CDC14C: variants seen among roughly 807,000 people sequenced by gnomAD.
CDC14C encodes the protein dual specificity protein phosphatase CDC14C.
CDC14C carries 19 observed loss-of-function variants against 26.9 expected under a neutral mutation model. The ratio of observed to expected loss-of-function variants is 0.71; its 90% CI spans 0.49 to 1.04. The LOEUF is 1.04. CDC14C is among the 50% of genes least tolerant of loss of function. The pLI is 0.00. For synonymous variants in CDC14C, 185 were observed against 180.1 expected, an observed-to-expected ratio of 1.03 and a Z score of -0.22; for missense variants, 423 against 520.0, an observed-to-expected ratio of 0.81 and a Z score of 1.81.
rs1798886586 is a variant in CDC14C, at chr7:48,926,241, A to G, written c.*225A>G. On this transcript the variant is annotated 3_prime_UTR_variant, in exon 1 of 1. Coordinates refer to ENST00000650262, the MANE Select transcript of CDC14C (RefSeq NM_152627.3). ...CACCTAAGAAGCTAATCAATGGGGA[A>G]AATGTCCACGGGGTTTCAGTAATGA... Among the ~76,000 whole-genome samples the G allele has an allele frequency of 9.1e-6, 1 of 110,188 alleles. No homozygotes were observed. 72.3% of individuals were successfully genotyped at this position (110,188 alleles called of 152,430 possible).
Position 48,925,063 on chromosome 7 carries a change from C to A in CDC14C, c.391C>A (p.Pro131Thr), listed in dbSNP as rs1615556. The A allele has an allele frequency of 4.7e-6, 7 of 1,498,354 alleles. No individual in the cohort carries two copies. The highest frequency in any genetic ancestry group is 4.7e-6 in the Non-Finnish European group (5 of 1,074,906). The allele number at this position is 1,498,354 out of a possible 1,614,324, so 92.8% of individuals were successfully genotyped here. A position where few individuals can be genotyped will look rare whatever the true frequency, so the allele number is the denominator to read the frequency against. ...AYRILIFGDT[P>T]YIPFRDAAYG... ...TAGAATATTAATCTTTGGAGATACA[C>A]CCTATATTCCTTTCAGAGATGCTGC... Residue 131 changes from proline to threonine, a missense_variant, in exon 1 of 1, where the codon CCC becomes ACC. This residue lies in a region of CDC14C where 310 missense variants were observed against 356.8 expected (regional missense o/e 0.87). Coordinates refer to ENST00000650262, the MANE Select transcript of CDC14C (RefSeq NM_152627.3).
rs1208899035 is a variant in CDC14C at position 48,925,488 on chromosome 7, C to A, written c.816C>A (p.Ile272=). The change falls in exon 1 of 1, where the codon ATC becomes ATA. Residue 272 remains isoleucine (I), a synonymous_variant. Transcript: ENST00000650262. The part of the protein sequence containing the change: ...TDAIVKRFLD[I]CENAEGAIAV... Reference sequence around the variant, plus strand: ...CCATTGTCAAAAGATTTCTGGATATCTGTGAAAATGCTGAGGGTGCCATTG... The same window carrying A: ...CCATTGTCAAAAGATTTCTGGATATATGTGAAAATGCTGAGGGTGCCATTG... 1 of 1,604,382 alleles carries A rather than the reference C, an allele frequency of 6.2e-7. No homozygotes were observed. The highest frequency in any genetic ancestry group is 1.7e-5 in the Admixed American group (1 of 59,716).
At position 48,925,326 on chromosome 7, in the gene CDC14C, T is replaced by C. The variant is rs757646377; in HGVS notation, c.654T>C (p.Tyr218=). The change falls in exon 1 of 1, where the codon TAT becomes TAC. Residue 218 remains tyrosine, a synonymous_variant. Coordinates refer to ENST00000650262, the MANE Select transcript of CDC14C (RefSeq NM_152627.3). ...ACCACCAACATTCTCCCGAGACTTA[T>C]ATTCAATATTTTAAGAATCACAATG... ...SGYHQHSPET[Y]IQYFKNHNVT... 1.9e-6 allele frequency: 3 copies of C among 1,605,644 alleles called. No homozygotes were observed. Among genetic ancestry groups the C allele is most frequent in the Admixed American group, 1.7e-5 (1 of 60,004 alleles).
Position 48,926,394 on chromosome 7 carries a change from G to T in CDC14C, c.*378G>T, listed in dbSNP as rs553486846. The stretch of plus-strand genomic sequence containing the variant: ...AGAGGTGTAAAGTGGGAAATCAGGG[G>T]TCTCACAGCCTTCAGAGCTGAGAGC... On this transcript the variant is annotated 3_prime_UTR_variant, in exon 1 of 1. Coordinates refer to ENST00000650262, the MANE Select transcript of CDC14C (RefSeq NM_152627.3). Among the ~76,000 whole-genome samples the T allele has an allele frequency of 2.0e-5, 3 of 151,116 alleles. No homozygotes were observed. The South Asian group carries it at 6.4e-4, about 32-fold the overall frequency.
rs392894 is a variant in CDC14C at position 48,926,493 on chromosome 7, T to A, written c.*477T>A. ...AGCATTGTTTCTATAGATATTAAAT[T>A]AACTAAAAGTATCCCTTATGGGAAA... On this transcript the variant is annotated 3_prime_UTR_variant, in exon 1 of 1. Transcript: ENST00000650262. Among the ~76,000 whole-genome samples, 175 of 151,444 alleles carry A rather than the reference T, an allele frequency of 1.2e-3. No individual in the cohort carries two copies. The highest frequency in any genetic ancestry group is 3.7e-3 in the East Asian group (19 of 5,144).
Position 48,925,641 on chromosome 7 carries a change from C to T in CDC14C, c.969C>T (p.Ile323=), listed in dbSNP as rs754892017. ...WVRICRPGLV[I]GPQQQFLVMK... ...GGATCTGCAGACCTGGCTTGGTGAT[C>T]GGGCCTCAGCAGCAGTTTTTGGTGA... Residue 323 remains isoleucine, a synonymous_variant, in exon 1 of 1, where the codon ATC becomes ATT. Transcript: ENST00000650262. The T allele has an allele frequency of 2.5e-4, 390 of 1,572,212 alleles. No homozygotes were observed. Among genetic ancestry groups the T allele is most frequent in the Middle Eastern group, 3.3e-4 (2 of 6,028 alleles).
rs1798893624 is a variant in CDC14C, at chr7:48,926,569, AG to A, written c.*555del. 6.6e-6 allele frequency among the ~76,000 whole-genome samples: 1 copy of A among 152,180 alleles called. No individual in the cohort carries two copies. Among genetic ancestry groups the A allele is most frequent in the Non-Finnish European group, 1.5e-5 (1 of 68,034 alleles). ...ATAGGTTGGGCTAGTTAACTGCGGC[AG>A]GAGCACGTCCTTAAGGCACAGATGG... On this transcript the variant is annotated 3_prime_UTR_variant, in exon 1 of 1. Transcript: ENST00000650262.
At position 48,924,570 on chromosome 7, in the gene CDC14C, C is replaced by A; in HGVS notation, c.-103C>A. Reference sequence around the variant, plus strand: ...CCGTGGTCGTTGCTCCCTGACTGGCCGCGGCGGCCTCCAGGAAGCGGAAAA... The same window carrying A: ...CCGTGGTCGTTGCTCCCTGACTGGCAGCGGCGGCCTCCAGGAAGCGGAAAA... On this transcript the variant is annotated 5_prime_UTR_variant, in exon 1 of 1. Transcript: ENST00000650262. The A allele has an allele frequency of 1.4e-6, 1 of 736,446 alleles. No individual in the cohort carries two copies. The highest frequency in any genetic ancestry group is 2.2e-6 in the Non-Finnish European group (1 of 457,762). The allele number at this position is 736,446 out of a possible 1,614,324, so 45.6% of individuals were successfully genotyped here.
rs1375261034 is a variant in CDC14C, at chr7:48,925,067, A to G, written c.395A>G (p.Tyr132Cys). 20 of 1,512,460 alleles carry G rather than the reference A, an allele frequency of 1.3e-5. No homozygotes were observed. Among genetic ancestry groups the G allele is most frequent in the Admixed American group, 5.0e-5 (3 of 59,856 alleles). 93.7% of individuals were successfully genotyped at this position (1,512,460 alleles called of 1,614,324 possible). Residue 132 changes from tyrosine to cysteine, a missense_variant, in exon 1 of 1, where the codon TAT becomes TGT. Coordinates refer to ENST00000650262, the MANE Select transcript of CDC14C (RefSeq NM_152627.3). ...ATATTAATCTTTGGAGATACACCCT[A>G]TATTCCTTTCAGAGATGCTGCCTAT... Reference protein sequence around the residue: ...YRILIFGDTPYIPFRDAAYGS... With the variant: ...YRILIFGDTPCIPFRDAAYGS...
rs1798864459 is a variant in CDC14C, at chr7:48,925,158, T to C, written c.486T>C (p.Tyr162=). The change falls in exon 1 of 1, where the codon TAT becomes TAC. Residue 162 remains tyrosine, a synonymous_variant. Transcript: ENST00000650262. ...ATGCAGTAAAGAAGGCAATGCAGTA[T>C]GGCTTCCTTAATTTCAACTCATTTA... ...CFHAVKKAMQ[Y]GFLNFNSFNL... 1.3e-6 allele frequency: 2 copies of C among 1,524,544 alleles called. No individual in the cohort carries two copies. The highest frequency in any genetic ancestry group is 9.1e-7 in the Non-Finnish European group (1 of 1,098,562). The allele number at this position is 1,524,544 out of a possible 1,614,324, so 94.4% of individuals were successfully genotyped here. A position where few individuals can be genotyped will look rare whatever the true frequency, so the allele number is the denominator to read the frequency against.
rs1241126743 is a variant in CDC14C, at chr7:48,925,829, A to C, written c.1157A>C (p.Tyr386Ser). 5 of 799,874 alleles carry C rather than the reference A, an allele frequency of 6.3e-6. No homozygotes were observed. In the Admixed American group the frequency reaches 8.8e-5, roughly 14 times the overall value. 49.5% of individuals were successfully genotyped at this position (799,874 alleles called of 1,614,324 possible). The change falls in exon 1 of 1, where the codon TAC (tyrosine) becomes TCC (serine). Residue 386 changes from tyrosine to serine, a missense_variant. Physicochemically the swap from Tyr to Ser is moderately radical, Grantham distance 144 (BLOSUM62 -2). Coordinates refer to ENST00000650262, the MANE Select transcript of CDC14C (RefSeq NM_152627.3). ...ENQDQQEPKP[Y>S]SDDDEINGVT... Reference sequence around the variant, plus strand: ...CAAGACCAGCAAGAACCCAAACCTTACAGTGATGACGACGAAATCAATGGA... The same window carrying C: ...CAAGACCAGCAAGAACCCAAACCTTCCAGTGATGACGACGAAATCAATGGA...
At position 48,926,024 on chromosome 7, in the gene CDC14C, A is replaced by T; in HGVS notation, c.*8A>T. The T allele has an allele frequency of 1.3e-6, 1 of 744,632 alleles. No homozygotes were observed. Among genetic ancestry groups the T allele is most frequent in the East Asian group, 2.5e-5 (1 of 39,834 alleles). 46.1% of individuals were successfully genotyped at this position (744,632 alleles called of 1,614,324 possible). A position where few individuals can be genotyped will look rare whatever the true frequency, so the allele number is the denominator to read the frequency against. Reference sequence around the variant, plus strand: ...CCCATCCTGCTATTCTGACTCAAAGATTTCAGAACATAGTAGCCATCAGGA... The same window carrying T: ...CCCATCCTGCTATTCTGACTCAAAGTTTTCAGAACATAGTAGCCATCAGGA... On this transcript the variant is annotated 3_prime_UTR_variant, in exon 1 of 1. Transcript: ENST00000650262.
rs1300416692 is a variant in CDC14C at position 48,924,623 on chromosome 7, C to A, written c.-50C>A. 70 of 991,210 alleles carry A rather than the reference C, an allele frequency of 7.1e-5. 1 individual carries two copies. In the South Asian group the frequency reaches 8.1e-4, roughly 11 times the overall value. The allele number at this position is 991,210 out of a possible 1,614,324, so 61.4% of individuals were successfully genotyped here. On this transcript the variant is annotated 5_prime_UTR_variant, in exon 1 of 1. Transcript: ENST00000650262. ...AAGGGGCGGTCGAGCTGGGCCGCCG[C>A]GCCCCACTGCTCGCCGCGCTGCTCT...
At position 48,924,553 on chromosome 7, in the gene CDC14C, G is replaced by A. The variant is rs186576277; in HGVS notation, c.-120G>A. On this transcript the variant is annotated 5_prime_UTR_variant, in exon 1 of 1. Transcript: ENST00000650262. Reference sequence around the variant, plus strand: ...TGGCGGCGCGCGCGGGGCCGTGGTCGTTGCTCCCTGACTGGCCGCGGCGGC... The same window carrying A: ...TGGCGGCGCGCGCGGGGCCGTGGTCATTGCTCCCTGACTGGCCGCGGCGGC... 5.2e-5 allele frequency: 34 copies of A among 655,290 alleles called. 1 individual carries two copies. The highest frequency in any genetic ancestry group is 3.2e-4 in the South Asian group (17 of 52,928). 40.6% of individuals were successfully genotyped at this position (655,290 alleles called of 1,614,324 possible).
Position 48,924,660 on chromosome 7 carries a change from G to A in CDC14C, c.-13G>A, listed in dbSNP as rs1234629701. The A allele has an allele frequency of 1.3e-5, 14 of 1,097,960 alleles. No individual in the cohort carries two copies. The highest frequency in any genetic ancestry group is 2.0e-4 in the Middle Eastern group (1 of 5,050). 68.0% of individuals were successfully genotyped at this position (1,097,960 alleles called of 1,614,324 possible). On this transcript the variant is annotated 5_prime_UTR_variant, in exon 1 of 1. Coordinates refer to ENST00000650262, the MANE Select transcript of CDC14C (RefSeq NM_152627.3). ...CGCCGCGCTGCTCTTTGACCTCGCA[G>A]GGTGTGAAGAAGATGCGCAGCTCCA...
rs1798855311 is a variant in CDC14C at position 48,924,725 on chromosome 7, T to C, written c.53T>C (p.Val18Ala). 1 of 1,368,222 alleles carries C rather than the reference T, an allele frequency of 7.3e-7. No individual in the cohort carries two copies. Among genetic ancestry groups the C allele is most frequent in the African/African-American group, 1.4e-5 (1 of 69,920 alleles). The allele number at this position is 1,368,222 out of a possible 1,614,324, so 84.8% of individuals were successfully genotyped here. A position where few individuals can be genotyped will look rare whatever the true frequency, so the allele number is the denominator to read the frequency against. ...DPRRRDPQDDVYVDITDRLRF... is the reference protein window; with the variant it reads ...DPRRRDPQDDAYVDITDRLRF... Reference sequence around the variant, plus strand: ...CGCCGCCGGGACCCCCAGGACGACGTGTACGTGGACATCACCGATCGCCTT... The same window carrying C: ...CGCCGCCGGGACCCCCAGGACGACGCGTACGTGGACATCACCGATCGCCTT... Residue 18 changes from valine to alanine, a missense_variant, in exon 1 of 1, where the codon GTG becomes GCG. Val to Ala is a moderately conservative substitution (Grantham distance 64). Transcript: ENST00000650262.
Position 48,925,715 on chromosome 7 carries a change from T to C in CDC14C, c.1043T>C (p.Leu348Ser). 1 of 1,154,362 alleles carries C rather than the reference T, an allele frequency of 8.7e-7. No homozygotes were observed. Among genetic ancestry groups the C allele is most frequent in the South Asian group, 1.2e-5 (1 of 81,646 alleles). The allele number at this position is 1,154,362 out of a possible 1,614,324, so 71.5% of individuals were successfully genotyped here. A position where few individuals can be genotyped will look rare whatever the true frequency, so the allele number is the denominator to read the frequency against. The stretch of plus-strand genomic sequence containing the variant: ...GAAGGGGACTATTTTCGTCAGAGGT[T>C]AAAGGGGCAGGAGAATGGACAACAC... ...WLEGDYFRQRLKGQENGQHRA... is the reference protein window; with the variant it reads ...WLEGDYFRQRSKGQENGQHRA... Residue 348 changes from leucine (L) to serine (S), a missense_variant, in exon 1 of 1, where the codon TTA becomes TCA. Physicochemically the swap from Leu to Ser is moderately radical, Grantham distance 145. Around this residue, in one of 3 missense-constraint regions of CDC14C, gnomAD observed 91 missense variants for 94.2 expected, o/e 0.97. Coordinates refer to ENST00000650262, the MANE Select transcript of CDC14C (RefSeq NM_152627.3).
chr7:48,926,354 C>G lies in CDC14C; in HGVS notation c.*338C>G, dbSNP rs933796665. Among the ~76,000 whole-genome samples the G allele has an allele frequency of 3.3e-5, 5 of 150,238 alleles. No individual in the cohort carries two copies. Among genetic ancestry groups the G allele is most frequent in the Non-Finnish European group, 7.4e-5 (5 of 67,716 alleles). ...AGTGGTGCTAGAGGAATTAAAGACA[C>G]ACACACAGAAATACAGAGGTGTAAA... On this transcript the variant is annotated 3_prime_UTR_variant, in exon 1 of 1. Transcript: ENST00000650262.
Position 48,924,889 on chromosome 7 carries a change from A to T in CDC14C, c.217A>T (p.Lys73Ter). The T allele has an allele frequency of 6.9e-7, 1 of 1,445,764 alleles. No homozygotes were observed. The highest frequency in any genetic ancestry group is 9.7e-7 in the Non-Finnish European group (1 of 1,026,002). 89.6% of individuals were successfully genotyped at this position (1,445,764 alleles called of 1,614,324 possible). The change falls in exon 1 of 1, where the codon AAG becomes TAG. Residue 73 changes from lysine (K) to a stop codon, truncating the protein, a stop_gained. Transcript: ENST00000650262. LOFTEE classifies it high-confidence loss of function. ...GGCAATGGTTTACAGATATTGTTGC[A>T]AGATAAATAAGAAATTAAAGTCCAT... Reference protein sequence around the residue: ...NLAMVYRYCCKINKKLKSITM... With the variant: ...NLAMVYRYCC
Sources: gnomAD v4.1 joint callset for allele counts (sites outside exome capture counted in the v4.1 genomes callset) on GRCh38, gnomAD v4.1.1 for gene constraint, gnomAD v4.1.1 regional missense constraint, MANE v1.5 for transcripts, NCBI Gene and HGNC (gene_info 2026-07-23, HGNC 2026-07-21) for gene names.